Variants in GABRB1 observed in about 807,000 individuals in gnomAD.
The protein encoded by GABRB1 is gamma-aminobutyric acid type A receptor subunit beta1, also known as gamma-aminobutyric acid receptor subunit beta-1.
Under a neutral mutation model 51.6 loss-of-function variants are expected in GABRB1, and 17 were observed. The observed-to-expected ratio is 0.33, with a 90% confidence interval of 0.23 to 0.49. The LOEUF is 0.49. Among genes scored for constraint, GABRB1 ranks in the 20% least tolerant of loss-of-function variants. The pLI is 0.99. For synonymous variants in GABRB1, 247 were observed against 218.9 expected (o/e 1.13, Z -1.14); for missense variants, 410 against 600.6 (o/e 0.68, Z 3.32).
chr4:47,038,458 T>C (rs1047214160), intron 3 of GABRB1, among the ~76,000 whole-genome samples: 1 of 152,218 alleles, frequency 6.6e-6, no homozygotes, highest in African/African-American at 2.4e-5. Context: ...GAGCTGTCCA[T>C]TGTATTTAAA....
At chr4:47,208,614 A>G (rs138746725) in intron 4 of GABRB1, among the ~76,000 whole-genome samples, 1 of 152,240 alleles carries the variant, frequency 6.6e-6, no homozygotes, top group East Asian at 1.9e-4. Context: ...AAAAGCTGTC[A>G]AAAACAAACC....
At chr4:47,347,101 G>A (rs1340646021) in intron 5 of GABRB1, among the ~76,000 whole-genome samples, 3 of 151,940 alleles carry the variant, frequency 2.0e-5, no homozygotes, top group African/African-American at 7.3e-5. Context: ...GGCCAACATG[G>A]CAAAATCCTG....
chr4:47,250,785 A>T (rs953603546), intron 4 of GABRB1, among the ~76,000 whole-genome samples: 5 of 152,054 alleles, frequency 3.3e-5, no homozygotes, highest in African/African-American at 9.7e-5. Context: ...TGTGTGTCCA[A>T]TGTTTCCTGA....
At chr4:47,359,886 A>C (rs539205952) in intron 5 of GABRB1, among the ~76,000 whole-genome samples, 1 of 152,044 alleles carries the variant, frequency 6.6e-6, no homozygotes, top group South Asian at 2.1e-4. Flanking sequence ...CTGAATATTA[A>C]TCCCTATACA....
rs76025156 is a variant in GABRB1 at position 47,380,471 on chromosome 4, G to A, written c.545-22847G>A. 2.4e-3 allele frequency among the ~76,000 whole-genome samples: 362 copies of A among 152,286 alleles called. 1 individual carries two copies. The highest frequency in any genetic ancestry group is 8.6e-3 in the African/African-American group (359 of 41,562). On this transcript the variant is annotated intron_variant, in intron 5 of 8. Coordinates refer to ENST00000295454, the MANE Select transcript of GABRB1 (RefSeq NM_000812.4). ...CAAAAGCAATCTAGATAAGGGATAA[G>A]CCCCATCTTCATGCTCAGAGTCCTT...
chr4:47,292,708 AC>A (rs1304306814), intron 4 of GABRB1, among the ~76,000 whole-genome samples: 3 of 152,182 alleles, frequency 2.0e-5, no homozygotes, highest in Non-Finnish European at 4.4e-5. Flanking sequence ...GACTGATGGC[AC>A]TGGAGGCTGC....
chr4:47,032,127 G>GGC lies in GABRB1; in HGVS notation c.172+123_172+124dup, dbSNP rs1553910569. On this transcript the variant is annotated intron_variant, in intron 2 of 8. Coordinates refer to ENST00000295454, the MANE Select transcript of GABRB1 (RefSeq NM_000812.4). ...TTTCGTAAGCGTGCACTATACCCTGGGCACACACACACACACACACACACA... is the reference window on the plus strand; with the variant it reads ...TTTCGTAAGCGTGCACTATACCCTGGGCGCACACACACACACACACACACACA... 3,477 of 580,048 alleles carry GGC rather than the reference G, an allele frequency of 6.0e-3. 20 individuals carry two copies. Among genetic ancestry groups the GGC allele is most frequent in the Non-Finnish European group, 7.0e-3 (2,342 of 333,894 alleles). 35.9% of individuals were successfully genotyped at this position (580,048 alleles called of 1,614,324 possible).
At chr4:47,275,321 G>T (rs1323269220) in intron 4 of GABRB1, among the ~76,000 whole-genome samples, 4 of 152,114 alleles carry the variant, frequency 2.6e-5, no homozygotes, top group African/African-American at 9.6e-5. Context: ...GGAGAGGAAG[G>T]GTTAAATTAG....
intron 5 of GABRB1, among the ~76,000 whole-genome samples, chr4:47,327,784 T>C (rs1295505704): frequency 6.6e-6 from 1 of 152,236 alleles, no homozygotes; most frequent in African/African-American, 2.4e-5. Flanking sequence ...TATTTAATTA[T>C]TTCCAAAATA....
intron 4 of GABRB1, among the ~76,000 whole-genome samples, chr4:47,185,088 G>T (rs1321069709): frequency 2.0e-5 from 3 of 151,614 alleles, no homozygotes; most frequent in Admixed American, 6.6e-5. Context: ...TACTTCTATT[G>T]TGCCTCAAAG....
At position 47,133,699 on chromosome 4, in the gene GABRB1, C is replaced by T. The variant is rs566412937; in HGVS notation, c.241-27550C>T. Among the ~76,000 whole-genome samples the T allele has an allele frequency of 1.2e-4, 18 of 152,260 alleles. No homozygotes were observed. In the South Asian group the frequency reaches 3.7e-3, roughly 32 times the overall value. Reference sequence around the variant, plus strand: ...TTTCCTCATGATTAGATTCAGGTTACGTGTTTTTAGCAGGACTATCACAGA... The same window carrying T: ...TTTCCTCATGATTAGATTCAGGTTATGTGTTTTTAGCAGGACTATCACAGA... On this transcript the variant is annotated intron_variant, in intron 3 of 8. Transcript: ENST00000295454.
intron 3 of GABRB1, among the ~76,000 whole-genome samples, chr4:47,040,915 G>A (rs527494396): frequency 1.2e-4 from 19 of 152,220 alleles, no homozygotes; most frequent in African/African-American, 3.9e-4. Context: ...TTCCAGAGGC[G>A]TGATCTTTGT....
chr4:47,042,515 AT>A (rs1054565610), intron 3 of GABRB1, among the ~76,000 whole-genome samples: 5 of 149,382 alleles, frequency 3.3e-5, no homozygotes, highest in African/African-American at 1.2e-4. Context: ...GCTTTAAAAA[AT>A]AATCACTACT....
chr4:47,344,635 TA>T (rs1008798579), intron 5 of GABRB1, among the ~76,000 whole-genome samples: 139 of 152,240 alleles, frequency 9.1e-4, no homozygotes, highest in African/African-American at 2.6e-3. Flanking sequence ...TACATTTTTT[TA>T]AAAAAAATCT....
intron 3 of GABRB1, among the ~76,000 whole-genome samples, chr4:47,096,093 C>T (rs1042511839): frequency 6.6e-6 from 1 of 152,168 alleles, no homozygotes; most frequent in Non-Finnish European, 1.5e-5. Context: ...TGTCTTCACA[C>T]AGATGGTGGT....
Position 47,032,472 on chromosome 4 carries a change from C to A in GABRB1, c.228C>A (p.Ser76=). The change falls in exon 3 of 9, where the codon TCC becomes TCA. Residue 76 remains serine (S), a synonymous_variant. Transcript: ENST00000295454. ...ATGTCGCCAGCATAGACATGGTCTC[C>A]GAAGTGAATATGGTGAGTGGCCTCC... ...RIDVASIDMV[S]EVNMDYTLTM... is the part of the protein sequence containing the mutation. 2 of 1,613,052 alleles carry A rather than the reference C, an allele frequency of 1.2e-6. No individual in the cohort carries two copies. The highest frequency in any genetic ancestry group is 1.3e-5 in the African/African-American group (1 of 75,036).
chr4:47,181,500 C>T (rs1241323535), intron 4 of GABRB1, among the ~76,000 whole-genome samples: 3 of 152,008 alleles, frequency 2.0e-5, no homozygotes, highest in Non-Finnish European at 4.4e-5. Context: ...AATGTAGACA[C>T]TGGAGTTGGA....
At chr4:47,189,647 G>A (rs1446662969) in intron 4 of GABRB1, among the ~76,000 whole-genome samples, 2 of 151,798 alleles carry the variant, frequency 1.3e-5, no homozygotes, top group Non-Finnish European at 2.9e-5. Context: ...TTTAATAGTT[G>A]ATTCGCATTC....
At chr4:47,048,246 G>A (rs567668560) in intron 3 of GABRB1, among the ~76,000 whole-genome samples, 2 of 152,118 alleles carry the variant, frequency 1.3e-5, no homozygotes, top group South Asian at 4.2e-4. Context: ...CAAGGCCCTG[G>A]GCTAGGCCAT....
Sources: gnomAD v4.1 joint callset for allele counts (sites outside exome capture counted in the v4.1 genomes callset) on GRCh38, gnomAD v4.1.1 for gene constraint, MANE v1.5 for transcripts, NCBI Gene and HGNC (gene_info 2026-07-23, HGNC 2026-07-21) for gene names.